The following RBMS3 variants were observed in gnomAD, a reference collection of about 807,000 sequenced individuals.
RBMS3 encodes the protein RNA-binding motif, single-stranded-interacting protein 3.
In RBMS3, 27 loss-of-function variants were observed where a neutral mutation model predicts 66.8. The ratio of observed to expected loss-of-function variants is 0.40; its 90% CI spans 0.30 to 0.56. The LOEUF (loss-of-function observed/expected upper bound fraction) is 0.56. RBMS3 is among the 20% of genes least tolerant of loss of function. The probability of loss-of-function intolerance (pLI) is 0.40; values close to 1 mark genes in which losing one functional copy is unlikely to be tolerated. For synonymous variants in RBMS3, 188 were observed against 183.0 expected (o/e 1.03, Z -0.22); for missense variants, 513 against 549.5 (o/e 0.93, Z 0.66).
intron 4 of RBMS3, among the ~76,000 whole-genome samples, chr3:29,636,606 A>G (rs568464738): frequency 1.3e-5 from 2 of 152,060 alleles, no homozygotes; most frequent in East Asian, 1.9e-4. Flanking sequence ...AATTTAAGCC[A>G]TTTAATGGGT....
chr3:29,670,589 C>T (rs1189851701), intron 4 of RBMS3, among the ~76,000 whole-genome samples: 1 of 152,208 alleles, frequency 6.6e-6, no homozygotes, highest in African/African-American at 2.4e-5. Flanking sequence ...GCAAATGGCA[C>T]ACCAGGAGAT....
intron 1 of RBMS3, among the ~76,000 whole-genome samples, chr3:29,416,837 C>T (rs1222026223): frequency 1.3e-5 from 2 of 152,122 alleles, no homozygotes; most frequent in African/African-American, 4.8e-5. Flanking sequence ...CAGAAGCGAA[C>T]TCTGTGCAAA....
At chr3:29,836,504 T>C (rs544977141) in intron 6 of RBMS3, among the ~76,000 whole-genome samples, 176 of 152,008 alleles carry the variant, frequency 1.2e-3, no homozygotes, top group Middle Eastern at 3.4e-3. Flanking sequence ...TCTAGAAAAG[T>C]TGAACTCATA....
At chr3:29,338,651 G>A (rs1470975173) in intron 1 of RBMS3, among the ~76,000 whole-genome samples, 3 of 146,596 alleles carry the variant, frequency 2.0e-5, no homozygotes, top group African/African-American at 7.4e-5. Context: ...AGATTATGCT[G>A]TCTAGGATTT....
intron 4 of RBMS3, among the ~76,000 whole-genome samples, chr3:29,735,962 G>T (rs1478129227): frequency 6.6e-6 from 1 of 151,980 alleles, no homozygotes; most frequent in African/African-American, 2.4e-5. Context: ...ATTATAAAAA[G>T]ATCTTTTTGA....
intron 2 of RBMS3, among the ~76,000 whole-genome samples, chr3:29,459,140 C>G (rs560138189): frequency 6.6e-6 from 1 of 152,158 alleles, no homozygotes; most frequent in African/African-American, 2.4e-5. Context: ...GTTATTACCA[C>G]CCTATTATGT....
intron 1 of RBMS3, among the ~76,000 whole-genome samples, chr3:29,325,604 G>GTA (rs148205931): frequency 6.8e-6 from 1 of 147,678 alleles, no homozygotes; most frequent in Non-Finnish European, 1.5e-5. Context: ...ATACGTGTGT[G>GTA]TATATATATG....
At chr3:29,815,928 A>G (rs2149466098) in intron 6 of RBMS3, among the ~76,000 whole-genome samples, 1 of 151,818 alleles carries the variant, frequency 6.6e-6, no homozygotes, top group South Asian at 2.1e-4. Flanking sequence ...TACTCCAAAA[A>G]CTATTGAAAT....
intron 10 of RBMS3, among the ~76,000 whole-genome samples, chr3:29,925,400 G>A (rs2060910401): frequency 6.6e-6 from 1 of 152,052 alleles, no homozygotes; most frequent in Admixed American, 6.6e-5. Flanking sequence ...TCAGTGTGAA[G>A]GTTGCCATGA....
intron 2 of RBMS3, among the ~76,000 whole-genome samples, chr3:29,466,949 A>G (rs143256652): frequency 4.8e-4 from 73 of 152,324 alleles, no homozygotes; most frequent in African/African-American, 1.7e-3. Context: ...CTTTATGCAC[A>G]TAAGACTGGC....
intron 6 of RBMS3, among the ~76,000 whole-genome samples, chr3:29,786,627 T>C (rs563134656): frequency 2.2e-4 from 34 of 152,128 alleles, no homozygotes; most frequent in Non-Finnish European, 4.3e-4. Flanking sequence ...GCTGGCATAA[T>C]TGGCAAGCCA....
intron 4 of RBMS3, among the ~76,000 whole-genome samples, chr3:29,715,255 G>A (rs767815615): frequency 7.9e-5 from 12 of 152,062 alleles, no homozygotes; most frequent in Non-Finnish European, 1.5e-4. Flanking sequence ...GCATTCTGTG[G>A]GCATTTCACA....
At chr3:29,514,746 C>T (rs2044554337) in intron 3 of RBMS3, among the ~76,000 whole-genome samples, 1 of 136,868 alleles carries the variant, frequency 7.3e-6, no homozygotes, top group Admixed American at 7.5e-5. Context: ...ATATGATAGG[C>T]ATATATATAT....
At chr3:29,536,626 T>C (rs2045567132) in intron 3 of RBMS3, among the ~76,000 whole-genome samples, 1 of 152,234 alleles carries the variant, frequency 6.6e-6, no homozygotes, top group Non-Finnish European at 1.5e-5. Context: ...CAACCTCATA[T>C]GTTAGCCGTA....
chr3:29,496,208 A>G (rs1354855537), intron 3 of RBMS3, among the ~76,000 whole-genome samples: 4 of 151,274 alleles, frequency 2.6e-5, no homozygotes, highest in East Asian at 1.9e-4. Context: ...AAAAAAAAAA[A>G]AAAAAGAAAA....
At chr3:29,873,239 C>A (rs550926194) in intron 7 of RBMS3, among the ~76,000 whole-genome samples, 1 of 152,182 alleles carries the variant, frequency 6.6e-6, no homozygotes, top group African/African-American at 2.4e-5. Context: ...ATTTTTCTAT[C>A]TGTTTGTGTC....
intron 3 of RBMS3, among the ~76,000 whole-genome samples, chr3:29,550,453 A>G (rs1350417149): frequency 6.6e-6 from 1 of 152,170 alleles, no homozygotes; most frequent in Admixed American, 6.6e-5. Flanking sequence ...TCTAAAGTTC[A>G]ATGTTTTAGA....
chr3:29,414,822 A>G (rs1050811705), intron 1 of RBMS3, among the ~76,000 whole-genome samples: 2 of 152,188 alleles, frequency 1.3e-5, no homozygotes, highest in Admixed American at 1.3e-4. Context: ...AAATAAAGCA[A>G]GAATATGCCA....
At chr3:29,630,450 CCCAGTGCCTACT>C (rs1459753486) in intron 4 of RBMS3, among the ~76,000 whole-genome samples, 1 of 151,874 alleles carries the variant, frequency 6.6e-6, no homozygotes, top group African/African-American at 2.4e-5. Context: ...GTCAATTTCC[CCCAGTGCCTACT>C]ACAGTGCCTG....
Sources: allele counts gnomAD v4.1 joint callset (sites outside exome capture counted in the v4.1 genomes callset), GRCh38; gene constraint gnomAD v4.1.1; transcripts MANE v1.5; gene names NCBI Gene and HGNC (gene_info 2026-07-23, HGNC 2026-07-21).